The following COL11A1 variants were observed in gnomAD, a reference collection of about 807,000 sequenced individuals.
COL11A1 encodes the protein collagen type XI alpha 1 chain, also known as collagen alpha-1(XI) chain.
COL11A1 carries 74 observed loss-of-function variants against 265.2 expected under a neutral mutation model. The ratio of observed to expected loss-of-function variants is 0.28; its 90% CI spans 0.23 to 0.34. The LOEUF is 0.34. Among genes scored for constraint, COL11A1 ranks in the 10% least tolerant of loss-of-function variants. COL11A1 has a pLI of 1.00. For missense variants in COL11A1, 2,165 were observed against 2,263.6 expected, an observed-to-expected ratio of 0.96 and a Z score of 0.88; for synonymous variants, 816 against 727.6, an observed-to-expected ratio of 1.12 and a Z score of -1.96.
At position 102,935,032 on chromosome 1, in the gene COL11A1, G is replaced by T. The variant is rs375609341; in HGVS notation, c.3492+28C>A. 11 of 1,610,232 alleles carry T rather than the reference G, an allele frequency of 6.8e-6. No homozygotes were observed. The African/African-American group carries it at 1.3e-4, about 20-fold the overall frequency. On this transcript the variant is annotated intron_variant, in intron 45 of 66. Coordinates refer to ENST00000370096, the MANE Select transcript of COL11A1 (RefSeq NM_001854.4). Reference sequence around the variant, plus strand: ...TTAATCAGGGAGCTGTAAGGATTTAGATTTGCTGAACAATGTGGAATACTC... The same window carrying T: ...TTAATCAGGGAGCTGTAAGGATTTATATTTGCTGAACAATGTGGAATACTC...
rs1385290588 is a variant in COL11A1 at position 103,074,610 on chromosome 1, A to G, written c.651+8T>C. ...CAATATTCAGCTTAGAGTTGGATTT[A>G]TTTTTACCTCAAAAACTTCTTCATC... is the stretch of plus-strand genomic sequence containing the variant. On this transcript the variant is annotated splice_region_variant and intron_variant, in intron 4 of 66. Transcript: ENST00000370096. 2 of 1,612,606 alleles carry G rather than the reference A, an allele frequency of 1.2e-6. No homozygotes were observed. Among genetic ancestry groups the G allele is most frequent in the African/African-American group, 2.7e-5 (2 of 74,986 alleles).
intron 66 of COL11A1, among the ~76,000 whole-genome samples, chr1:102,878,520 CTT>C (rs1032533150): frequency 6.4e-5 from 3 of 46,992 alleles, no homozygotes; most frequent in Admixed American, 2.9e-4. Flanking sequence ...TCTTTTCTTT[CTT>C]TTTTTTTTTT....
At chr1:103,027,902 T>A (rs534073995) in intron 5 of COL11A1, among the ~76,000 whole-genome samples, 1 of 152,328 alleles carries the variant, frequency 6.6e-6, no homozygotes, top group African/African-American at 2.4e-5. Flanking sequence ...TTCATAATTC[T>A]GTCCTTTATT....
chr1:103,007,152 A>G (rs1160101691), intron 15 of COL11A1, among the ~76,000 whole-genome samples: 1 of 152,174 alleles, frequency 6.6e-6, no homozygotes, highest in East Asian at 1.9e-4. Flanking sequence ...CCTAAAATTT[A>G]GCACAGTGCC....
chr1:102,956,945 A>C (rs1660433769), intron 41 of COL11A1, among the ~76,000 whole-genome samples: 1 of 151,888 alleles, frequency 6.6e-6, no homozygotes, highest in Non-Finnish European at 1.5e-5. Flanking sequence ...GCATACTTGA[A>C]AAAAAGAAAT....
chr1:102,923,508 C>T (rs1656228779), intron 46 of COL11A1, 119 bp from the exon 47 acceptor site: 1 of 745,626 alleles, frequency 1.3e-6, no homozygotes, highest in Non-Finnish European at 2.3e-6. Context: ...AATTAAGATT[C>T]AGATACTAAC....
At chr1:103,044,901 A>G (rs937512275) in intron 4 of COL11A1, among the ~76,000 whole-genome samples, 10 of 151,978 alleles carry the variant, frequency 6.6e-5, no homozygotes, top group African/African-American at 2.2e-4. Flanking sequence ...AGGATAGCGA[A>G]TATATGTCAG....
rs751567809 is a variant in COL11A1 at position 103,026,309 on chromosome 1, T to C, written c.804A>G (p.Glu268=). 5.6e-6 allele frequency: 9 copies of C among 1,613,074 alleles called. No individual in the cohort carries two copies. Among genetic ancestry groups the C allele is most frequent in the East Asian group, 2.2e-5 (1 of 44,872 alleles). The change falls in exon 6 of 67, where the codon GAA becomes GAG. Residue 268 remains glutamate (E), a synonymous_variant. Transcript: ENST00000370096. ...IDEYAPEDII[E]YDYEYGEAEY... is the part of the protein sequence containing the mutation. ...CTGCTTCCCCATACTCATAGTCATATTCGATTATATCCTCTGGTGCATACT... is the reference window on the plus strand; with the variant it reads ...CTGCTTCCCCATACTCATAGTCATACTCGATTATATCCTCTGGTGCATACT...
At chr1:103,031,996 CAA>C (rs1557972933) in intron 4 of COL11A1, among the ~76,000 whole-genome samples, 2 of 151,824 alleles carry the variant, frequency 1.3e-5, no homozygotes, top group Admixed American at 6.6e-5. Context: ...AAACTGCAAA[CAA>C]GAGAAAAATC....
intron 5 of COL11A1, among the ~76,000 whole-genome samples, chr1:103,030,227 A>C (rs527460556): frequency 6.6e-6 from 1 of 152,148 alleles, no homozygotes. Flanking sequence ...GGTTCTTAAA[A>C]TTTTACCCTG....
chr1:102,908,421 A>T (rs757131350), intron 54 of COL11A1, among the ~76,000 whole-genome samples: 1 of 152,052 alleles, frequency 6.6e-6, no homozygotes, highest in Non-Finnish European at 1.5e-5. Flanking sequence ...TTCCTTTCTG[A>T]TTACACCTGT....
At position 103,082,923 on chromosome 1, in the gene COL11A1, C is replaced by T. The variant is rs1047945584; in HGVS notation, c.156G>A (p.Glu52=). The T allele has an allele frequency of 1.9e-6, 3 of 1,613,282 alleles. No individual in the cohort carries two copies. The Admixed American group carries it at 5.0e-5, about 27-fold the overall frequency. The change falls in exon 2 of 67, where the codon GAG becomes GAA. Residue 52 remains glutamate (E), a synonymous_variant. Coordinates refer to ENST00000370096, the MANE Select transcript of COL11A1 (RefSeq NM_001854.4). ...LKALDFHNSP[E]GISKTTGFCT... ...AAAATCCCGTTGTTTTTGATATTCC[C>T]TCTGGAGAATTGTGAAAATCTAGTG...
intron 41 of COL11A1, among the ~76,000 whole-genome samples, chr1:102,958,647 C>T (rs772125246): frequency 3.9e-5 from 6 of 152,008 alleles, no homozygotes; most frequent in Non-Finnish European, 7.4e-5. Context: ...TTAGTGAATC[C>T]TTTTCCAACA....
chr1:102,926,044 T>A (rs143869710), intron 46 of COL11A1, among the ~76,000 whole-genome samples: 1 of 152,214 alleles, frequency 6.6e-6, no homozygotes, highest in African/African-American at 2.4e-5. Context: ...ATTATTCCAA[T>A]TAGTTCAATA....
At chr1:103,001,497 C>A in intron 24 of COL11A1, 1 of 429,306 alleles carries the variant, frequency 2.3e-6, no homozygotes, top group Middle Eastern at 6.0e-4. Context: ...ACAAGAACAT[C>A]ATTTGCTATT....
At chr1:102,918,242 A>AT (rs1017165323) in intron 49 of COL11A1, among the ~76,000 whole-genome samples, 1 of 151,842 alleles carries the variant, frequency 6.6e-6, no homozygotes, top group African/African-American at 2.4e-5. Flanking sequence ...TTAGGTACAT[A>AT]TTTTTTCAGA....
In COL11A1 at chr1:102,878,012, C is replaced by G. The variant is rs756252656; in HGVS notation, c.*7G>C. ...TCTGTTGATTTGATATGTTCTTTGT[C>G]TTAATCTTAGCCAAGAAAACAAACA... On this transcript the variant is annotated 3_prime_UTR_variant, in exon 67 of 67. Coordinates refer to ENST00000370096, the MANE Select transcript of COL11A1 (RefSeq NM_001854.4). The G allele has an allele frequency of 6.2e-7, 1 of 1,613,074 alleles. No homozygotes were observed.
chr1:102,924,548 T>C (rs747779995), intron 46 of COL11A1, among the ~76,000 whole-genome samples: 189 of 152,334 alleles, frequency 1.2e-3, no homozygotes, highest in Non-Finnish European at 2.5e-3. Flanking sequence ...CATTCATCAG[T>C]GATCTTTTAG....
rs921052741 is a variant in COL11A1 at position 102,968,724 on chromosome 1, A to G, written c.2862+1495T>C. Among the ~76,000 whole-genome samples the G allele has an allele frequency of 2.0e-5, 3 of 152,168 alleles. No homozygotes were observed. The South Asian group carries it at 6.2e-4, about 32-fold the overall frequency. ...AAGTGGATGTGAAATCGGGAATATAATTTTTTCAGAAATAATCCTGGCTTT... is the reference window on the plus strand; with the variant it reads ...AAGTGGATGTGAAATCGGGAATATAGTTTTTTCAGAAATAATCCTGGCTTT... On this transcript the variant is annotated intron_variant, in intron 37 of 66. Transcript: ENST00000370096.
Sources: gnomAD v4.1 joint callset for allele counts (sites outside exome capture counted in the v4.1 genomes callset) on GRCh38, gnomAD v4.1.1 for gene constraint, MANE v1.5 for transcripts, NCBI Gene and HGNC (gene_info 2026-07-23, HGNC 2026-07-21) for gene names.